CERK: variants seen among roughly 807,000 people sequenced by gnomAD.
CERK encodes ceramide kinase.
CERK carries 39 observed loss-of-function variants against 63.4 expected under a neutral mutation model. That is an observed-to-expected ratio of 0.61 (90% CI 0.48 to 0.80). The LOEUF is 0.80. CERK is among the 30% of genes least tolerant of loss of function. The probability of loss-of-function intolerance (pLI) is 0.00; values close to 1 mark genes in which losing one functional copy is unlikely to be tolerated. For synonymous variants in CERK, 302 were observed against 280.0 expected (o/e 1.08, Z -0.78); for missense variants, 670 against 714.1 (o/e 0.94, Z 0.70).
At chr22:46,701,501 C>G in intron 7 of CERK, 135 bp downstream of exon 7, 1 of 695,242 alleles carries the variant, frequency 1.4e-6, no homozygotes, top group Non-Finnish European at 2.4e-6. Flanking sequence ...GCGAGCAGAG[C>G]AGGGGACACA....
At chr22:46,728,538 G>A (rs1312543939) in intron 1 of CERK, among the ~76,000 whole-genome samples, 3 of 152,208 alleles carry the variant, frequency 2.0e-5, no homozygotes, top group African/African-American at 7.2e-5. Context: ...CCCATTGGGT[G>A]TGAAGCCCGC....
chr22:46,720,943 C>T lies in CERK; in HGVS notation c.215G>A (p.Ser72Asn). 6.2e-7 allele frequency: 1 copy of T among 1,613,608 alleles called. No individual in the cohort carries two copies. Among genetic ancestry groups the T allele is most frequent in the Non-Finnish European group, 8.5e-7 (1 of 1,179,604 alleles). ...ETDVHGKHQGSGKWQKMEKPY... is the reference protein window; with the variant it reads ...ETDVHGKHQGNGKWQKMEKPY... ...CTTTTCCATTTTCTGCCATTTTCCA[C>T]TGCCTTGATGTTTCCCGTGAACGTC... The change falls in exon 2 of 13, where the codon AGT (serine) becomes AAT (asparagine). Residue 72 changes from serine to asparagine, a missense_variant. By Grantham distance (46) the Ser-to-Asn change is conservative. Coordinates refer to ENST00000216264, the MANE Select transcript of CERK (RefSeq NM_022766.6).
chr22:46,737,803 G>A (rs1432234891), intron 1 of CERK, among the ~76,000 whole-genome samples: 1 of 152,036 alleles, frequency 6.6e-6, no homozygotes, highest in Non-Finnish European at 1.5e-5. Flanking sequence ...TCGGGTTCCC[G>A]GAGCAGACGG....
intron 12 of CERK, among the ~76,000 whole-genome samples, chr22:46,688,055 G>A (rs1038137396): frequency 6.6e-6 from 1 of 152,124 alleles, no homozygotes; most frequent in Non-Finnish European, 1.5e-5. Context: ...AAATTAGCCA[G>A]GTGTGGTGGC....
chr22:46,720,036 T>A (rs748627175), intron 3 of CERK, 50 bp downstream of exon 3: 1 of 1,593,632 alleles, frequency 6.3e-7, no homozygotes, highest in Non-Finnish European at 8.6e-7. Flanking sequence ...CAATCAGGCA[T>A]GCGCATGCCA....
intron 6 of CERK, among the ~76,000 whole-genome samples, chr22:46,702,496 A>T (rs781129050): frequency 6.6e-5 from 10 of 152,032 alleles, no homozygotes; most frequent in Non-Finnish European, 1.3e-4. Flanking sequence ...TTTCACCATG[A>T]TGGCCAGGCT....
chr22:46,732,971 G>A (rs368585208), intron 1 of CERK, among the ~76,000 whole-genome samples: 44 of 152,108 alleles, frequency 2.9e-4, no homozygotes, highest in African/African-American at 9.6e-4. Flanking sequence ...CACTTAAGGA[G>A]GCCAAAGAGG....
intron 7 of CERK, among the ~76,000 whole-genome samples, chr22:46,699,698 T>C (rs894223429): frequency 1.4e-4 from 21 of 152,346 alleles, no homozygotes; most frequent in African/African-American, 5.0e-4. Flanking sequence ...AGCTATCCTG[T>C]GGGGACTGAA....
rs71192446 is a variant in CERK, at chr22:46,737,645, A to ACC, written c.142+360_142+361dup. ...ATGCGCGCGGTGGGGAGCGCCTGGC[A>ACC]CCCCCCCTCGGGATCCATCCACAGT... On this transcript the variant is annotated intron_variant, in intron 1 of 12. Transcript: ENST00000216264. Among the ~76,000 whole-genome samples, 12 of 151,846 alleles carry ACC rather than the reference A, an allele frequency of 7.9e-5. No individual in the cohort carries two copies. The East Asian group carries it at 2.3e-3, about 30-fold the overall frequency.
At position 46,699,458 on chromosome 22, in the gene CERK, C is replaced by G; in HGVS notation, c.798G>C (p.Ser266=). Residue 266 remains serine, a synonymous_variant, in exon 8 of 13, where the codon TCG becomes TCC. Transcript: ENST00000216264. Reference sequence around the variant, plus strand: ...GGACTGAGGACACATCCATGGCCAGCGAGTCCCCTGTGGGAGAGAACGGCC... The same window carrying G: ...GGACTGAGGACACATCCATGGCCAGGGAGTCCCCTGTGGGAGAGAACGGCC... ...TSALHIVVGD[S]LAMDVSSVHH... is the part of the protein sequence containing the mutation. The G allele has an allele frequency of 1.2e-6, 2 of 1,614,042 alleles. No individual in the cohort carries two copies. Among genetic ancestry groups the G allele is most frequent in the Non-Finnish European group, 1.7e-6 (2 of 1,179,970 alleles).
chr22:46,687,112 T>C lies in CERK; in HGVS notation c.*22A>G. Reference sequence around the variant, plus strand: ...TAAATAGTTTTCACACTTTCCCAGTTTGTGAGCAGGACGCCGGCTTCTCAG... The same window carrying C: ...TAAATAGTTTTCACACTTTCCCAGTCTGTGAGCAGGACGCCGGCTTCTCAG... On this transcript the variant is annotated 3_prime_UTR_variant, in exon 13 of 13. Transcript: ENST00000216264. 1 of 1,607,782 alleles carries C rather than the reference T, an allele frequency of 6.2e-7. No individual in the cohort carries two copies. The highest frequency in any genetic ancestry group is 8.5e-7 in the Non-Finnish European group (1 of 1,174,252).
At chr22:46,719,788 A>G (rs562892659) in intron 3 of CERK, among the ~76,000 whole-genome samples, 1 of 152,356 alleles carries the variant, frequency 6.6e-6, no homozygotes, top group South Asian at 2.1e-4. Flanking sequence ...AAAAGCTATT[A>G]CCATCTCCGC....
At chr22:46,732,447 G>A (rs948657545) in intron 1 of CERK, among the ~76,000 whole-genome samples, 1 of 151,564 alleles carries the variant, frequency 6.6e-6, no homozygotes. Context: ...TGGGGGGGAC[G>A]GGAAGTAAAA....
intron 1 of CERK, among the ~76,000 whole-genome samples, chr22:46,723,712 T>C (rs1316200486): frequency 1.3e-5 from 2 of 152,022 alleles, no homozygotes; most frequent in Non-Finnish European, 2.9e-5. Context: ...TTTTCTTCTT[T>C]TTTTTTTGTT....
At chr22:46,710,891 G>GC (rs1024895917) in intron 5 of CERK, among the ~76,000 whole-genome samples, 195 bp downstream of exon 5, 15 of 152,220 alleles carry the variant, frequency 9.9e-5, no homozygotes, top group African/African-American at 3.4e-4. Context: ...GCCCAGCCCA[G>GC]CCAGAGAGGA....
At chr22:46,717,492 T>A (rs1259112221) in intron 3 of CERK, among the ~76,000 whole-genome samples, 2 of 152,244 alleles carry the variant, frequency 1.3e-5, no homozygotes, top group African/African-American at 4.8e-5. Context: ...GGAAAATTTA[T>A]GCAAGACTAC....
chr22:46,708,016 C>A, intron 5 of CERK, 28 bp from the exon 6 acceptor site: 3 of 1,579,796 alleles, frequency 1.9e-6, no homozygotes, highest in Non-Finnish European at 2.6e-6. Flanking sequence ...CCGGTCAGGG[C>A]TCCTGCAGGT....
intron 3 of CERK, among the ~76,000 whole-genome samples, chr22:46,713,222 G>C (rs554167918): frequency 6.6e-6 from 1 of 152,116 alleles, no homozygotes; most frequent in African/African-American, 2.4e-5. Context: ...TCCAGACACA[G>C]GGCCAGGCGC....
intron 3 of CERK, among the ~76,000 whole-genome samples, chr22:46,719,825 A>T (rs527394292): frequency 1.3e-5 from 2 of 152,368 alleles, no homozygotes; most frequent in African/African-American, 4.8e-5. Flanking sequence ...TGAGGCTCAG[A>T]AGGGTAAGTG....
Sources: allele counts gnomAD v4.1 joint callset (sites outside exome capture counted in the v4.1 genomes callset), GRCh38; gene constraint gnomAD v4.1.1; transcripts MANE v1.5; gene names NCBI Gene and HGNC (gene_info 2026-07-23, HGNC 2026-07-21).